Variants in F8 observed in about 807,000 individuals in gnomAD.
The protein encoded by F8 is coagulation factor VIII.
A neutral mutation model predicts 140.6 loss-of-function variants in F8; 12 were observed. The observed-to-expected ratio is 0.09, with a 90% CI of 0.05 to 0.14. The LOEUF (loss-of-function observed/expected upper bound fraction) is 0.14. Ranked by LOEUF, F8 falls within the 10% of genes least tolerant of loss-of-function variation. F8 has a pLI of 1.00. For missense variants in F8, 1,354 were observed against 1,720.7 expected (o/e 0.79, Z 3.77); for synonymous variants, 585 against 614.6 (o/e 0.95, Z 0.71).
chrX:154,966,418 G>A lies in F8; in HGVS notation c.1271+8C>T, dbSNP rs1192177437. On this transcript the variant is annotated splice_region_variant and intron_variant, in intron 8 of 25. Transcript: ENST00000360256. Reference sequence around the variant, plus strand: ...AAGAGAGAGTACCAATAGTCAAAAAGTGCTTACCTGTCATCGGGGGCGAGG... The same window carrying A: ...AAGAGAGAGTACCAATAGTCAAAAAATGCTTACCTGTCATCGGGGGCGAGG... The A allele has an allele frequency of 2.5e-6, 3 of 1,209,050 alleles. No homozygotes were observed. The African/African-American group carries it at 5.3e-5, about 21-fold the overall frequency.
chrX:155,013,623 C>T (rs952564535), intron 1 of F8, among the ~76,000 whole-genome samples: 5 of 111,859 alleles, frequency 4.5e-5, no homozygotes, highest in African/African-American at 6.5e-5. Context: ...TGAACACAGA[C>T]GCAAAAACTA....
rs1280511517 is a variant in F8, at chrX:154,953,838, A to G, written c.1903+54T>C. On this transcript the variant is annotated intron_variant, in intron 12 of 25. Coordinates refer to ENST00000360256, the MANE Select transcript of F8 (RefSeq NM_000132.4). ...TCATTATCTGGACATCACTTTGATTACATCAATTTTTCTTTATTCACCACC... is the reference window on the plus strand; with the variant it reads ...TCATTATCTGGACATCACTTTGATTGCATCAATTTTTCTTTATTCACCACC... 4.3e-6 allele frequency: 5 copies of G among 1,174,478 alleles called. No homozygotes were observed. The African/African-American group carries it at 8.8e-5, about 21-fold the overall frequency.
At chrX:154,946,097 A>G (rs2073302603) in intron 13 of F8, among the ~76,000 whole-genome samples, 1 of 112,374 alleles carries the variant, frequency 8.9e-6, no homozygotes, top group Non-Finnish European at 1.9e-5. Context: ...CACACAAAAA[A>G]CTGAAAAGGT....
Position 155,000,859 on chromosome X carries a change from G to A in F8, c.144-1259C>T, listed in dbSNP as rs184460929. On this transcript the variant is annotated intron_variant, in intron 1 of 25. Coordinates refer to ENST00000360256, the MANE Select transcript of F8 (RefSeq NM_000132.4). Reference sequence around the variant, plus strand: ...AGCACAAATAAATGCTTGGTATGGCGGACCACTGAAGAAAGAACCCCAAAT... The same window carrying A: ...AGCACAAATAAATGCTTGGTATGGCAGACCACTGAAGAAAGAACCCCAAAT... Among the ~76,000 whole-genome samples, 26 of 111,366 alleles carry A rather than the reference G, an allele frequency of 2.3e-4. No homozygotes were observed. The East Asian group carries it at 6.7e-3, about 29-fold the overall frequency.
intron 25 of F8, among the ~76,000 whole-genome samples, chrX:154,844,734 C>T (rs1327486217): frequency 1.3e-4 from 15 of 111,564 alleles, no homozygotes; most frequent in African/African-American, 4.9e-4. Context: ...ATGTCGTCTG[C>T]GAACAGGGAC....
intron 6 of F8, among the ~76,000 whole-genome samples, chrX:154,972,468 G>T (rs2073461377): frequency 1.8e-5 from 2 of 110,774 alleles, no homozygotes; most frequent in African/African-American, 6.6e-5. Flanking sequence ...CCATTCTATA[G>T]GTTGTCTCTT....
intron 13 of F8, among the ~76,000 whole-genome samples, chrX:154,942,969 C>G (rs781824545): frequency 2.3e-4 from 25 of 109,120 alleles, no homozygotes; most frequent in Non-Finnish European, 4.0e-4. Context: ...ATTCAACAAC[C>G]CTTCATGCTA....
chrX:154,851,832 AT>A (rs2072617397), intron 25 of F8, among the ~76,000 whole-genome samples: 1 of 110,181 alleles, frequency 9.1e-6, no homozygotes, highest in African/African-American at 3.3e-5. Flanking sequence ...ATGATTTGCA[AT>A]TTTTTTCTCC....
intron 25 of F8, among the ~76,000 whole-genome samples, chrX:154,845,769 G>A (rs1342745608): frequency 9.0e-6 from 1 of 111,496 alleles, no homozygotes; most frequent in Non-Finnish European, 1.9e-5. Context: ...ATTTTTTAAA[G>A]GGTTTTTTGT....
At position 154,947,715 on chromosome X, in the gene F8, A is replaced by G; in HGVS notation, c.2096T>C (p.Met699Thr). 8.3e-7 allele frequency: 1 copy of G among 1,210,695 alleles called. No individual in the cohort carries two copies. The highest frequency in any genetic ancestry group is 1.1e-6 in the Non-Finnish European group (1 of 894,353). The stretch of plus-strand genomic sequence containing the variant: ...TAACTAACCTGGGTTTTCCATCGAC[A>G]TGAAGACAGTTTCTCCTGAGAATGG... ...LFPFSGETVF[M>T]SMENPGLWIL... is the part of the protein sequence containing the mutation. The change falls in exon 13 of 26, where the codon ATG becomes ACG. Residue 699 changes from methionine to threonine, a missense_variant. By Grantham distance (81) the Met-to-Thr change is moderately conservative (BLOSUM62 -1). Transcript: ENST00000360256.
At chrX:154,964,370 G>C (rs142682600) in intron 9 of F8, among the ~76,000 whole-genome samples, 4,053 of 110,716 alleles carry the variant, frequency 0.037, 162 homozygotes, top group African/African-American at 0.12. Context: ...TTCAAAAAAT[G>C]AAAAATAGAA....
At chrX:154,927,989 A>G (rs1215203139) in intron 14 of F8, among the ~76,000 whole-genome samples, 2 of 111,658 alleles carry the variant, frequency 1.8e-5, no homozygotes, top group African/African-American at 6.5e-5. Flanking sequence ...GAACAACACA[A>G]TTGAGATTGC....
intron 6 of F8, among the ~76,000 whole-genome samples, chrX:154,971,138 T>C (rs2073454422): frequency 9.0e-6 from 1 of 111,443 alleles, no homozygotes; most frequent in African/African-American, 3.3e-5. Context: ...CCTCTATATA[T>C]GAAAATGTCT....
At chrX:154,999,675 T>C in intron 1 of F8, 75 bp from the exon 2 acceptor site, 2 of 1,110,083 alleles carry the variant, frequency 1.8e-6, no homozygotes, top group Non-Finnish European at 2.5e-6. Context: ...GCTTCCATAC[T>C]ACTCTTTTCT....
chrX:154,992,831 G>T, intron 4 of F8, 105 bp downstream of exon 4: 1 of 760,011 alleles, frequency 1.3e-6, no homozygotes, highest in Non-Finnish European at 2.0e-6. Flanking sequence ...GAGTAAAAAA[G>T]CCTCTTTCAG....
intron 3 of F8, among the ~76,000 whole-genome samples, chrX:154,994,068 C>T (rs1275462731): frequency 8.9e-6 from 1 of 112,331 alleles, no homozygotes; most frequent in Non-Finnish European, 1.9e-5. Flanking sequence ...GCTTCCTACT[C>T]TTCAGTAATG....
chrX:154,842,072 A>C (rs2072526329), intron 25 of F8, among the ~76,000 whole-genome samples: 1 of 111,888 alleles, frequency 8.9e-6, no homozygotes, highest in Non-Finnish European at 1.9e-5. Flanking sequence ...TTTAACACTA[A>C]GTTTGGAAAA....
chrX:154,937,073 G>A (rs1370883627), intron 13 of F8, among the ~76,000 whole-genome samples: 2 of 111,206 alleles, frequency 1.8e-5, no homozygotes, highest in Non-Finnish European at 1.9e-5. Context: ...GGTTAAAGCA[G>A]TATATAAAGG....
chrX:154,904,910 A>G lies in F8; in HGVS notation c.5487T>C (p.Asn1829=). The G allele has an allele frequency of 1.3e-5, 16 of 1,210,545 alleles. No homozygotes were observed. The highest frequency in any genetic ancestry group is 1.8e-5 in the Non-Finnish European group (16 of 894,692). The change falls in exon 16 of 26, where the codon AAT becomes AAC. Residue 1829 remains asparagine (N), a synonymous_variant. Coordinates refer to ENST00000360256, the MANE Select transcript of F8 (RefSeq NM_000132.4). The stretch of plus-strand genomic sequence containing the variant: ...CTTTCCAAAAGTAAGTTTTGGTTTC[A>G]TTAGGCTTGACAAAGTTTTTTCTAG... The part of the protein sequence containing the change: ...AEPRKNFVKP[N]ETKTYFWKVQ...
Sources: gnomAD v4.1 joint callset for allele counts (sites outside exome capture counted in the v4.1 genomes callset) on GRCh38, gnomAD v4.1.1 for gene constraint, MANE v1.5 for transcripts, NCBI Gene and HGNC (gene_info 2026-07-23, HGNC 2026-07-21) for gene names.